The following DLC1 variants were observed in gnomAD, a reference collection of about 807,000 sequenced individuals.
The protein encoded by DLC1 is DLC1 Rho GTPase activating protein, also known as rho GTPase-activating protein 7.
DLC1 carries 54 observed loss-of-function variants against 140.3 expected under a neutral mutation model. That is an observed-to-expected ratio of 0.38 (90% CI 0.31 to 0.48). The LOEUF (loss-of-function observed/expected upper bound fraction) is 0.48, where lower values mean the gene tolerates loss of function less well. Among genes scored for constraint, DLC1 ranks in the 20% least tolerant of loss-of-function variants. The pLI is 0.96. For missense variants in DLC1, 2,536 were observed against 1,907.0 expected, an observed-to-expected ratio of 1.33 and a Z score of -6.14; for synonymous variants, 986 against 728.1, an observed-to-expected ratio of 1.35 and a Z score of -5.70.
intron 2 of DLC1, among the ~76,000 whole-genome samples, chr8:13,448,222 CA>C (rs1272344822): frequency 6.6e-6 from 1 of 152,094 alleles, no homozygotes; most frequent in Non-Finnish European, 1.5e-5. Flanking sequence ...TATCTGCTTA[CA>C]CTCACATGGA....
At chr8:13,550,227 G>A (rs953922415) in intron 1 of DLC1, among the ~76,000 whole-genome samples, 3 of 152,022 alleles carry the variant, frequency 2.0e-5, no homozygotes, top group Admixed American at 6.6e-5. Context: ...AGGGAGTCTC[G>A]AAAGATCTGA....
At chr8:13,188,978 C>G (rs888565211) in intron 5 of DLC1, among the ~76,000 whole-genome samples, 1 of 150,000 alleles carries the variant, frequency 6.7e-6, no homozygotes, top group Non-Finnish European at 1.5e-5. Context: ...CATGAGCTAT[C>G]ACACCCGGCC....
intron 2 of DLC1, among the ~76,000 whole-genome samples, chr8:13,434,157 G>A (rs993494980): frequency 3.9e-5 from 6 of 152,122 alleles, no homozygotes; most frequent in African/African-American, 7.2e-5. Context: ...GATTACAGGC[G>A]TGAGCCACTG....
chr8:13,139,221 C>T (rs1241806727), intron 5 of DLC1, among the ~76,000 whole-genome samples: 2 of 128,646 alleles, frequency 1.6e-5, no homozygotes, highest in African/African-American at 3.0e-5. Context: ...GCCGGGTAGT[C>T]GAGGCTGGAT....
chr8:13,403,807 G>GTTTTTTTTTTTTTTT (rs369715973), intron 2 of DLC1, among the ~76,000 whole-genome samples: 17 of 87,246 alleles, frequency 1.9e-4, no homozygotes, highest in South Asian at 5.0e-4. Flanking sequence ...AGGTCTGGCT[G>GTTTTTTTTTTTTTTT]TTTTTTTTTT....
At chr8:13,146,955 C>G (rs939278211) in intron 5 of DLC1, among the ~76,000 whole-genome samples, 4 of 152,168 alleles carry the variant, frequency 2.6e-5, no homozygotes, top group Non-Finnish European at 4.4e-5. Flanking sequence ...TTTTAAATCT[C>G]TCTGGGATGA....
chr8:13,126,801 T>G (rs554527559), intron 5 of DLC1, among the ~76,000 whole-genome samples: 52 of 152,388 alleles, frequency 3.4e-4, no homozygotes, highest in African/African-American at 1.3e-3. Context: ...TTTTGCTTTA[T>G]AGTTCTGCGA....
At chr8:13,255,901 A>C (rs1441962440) in intron 5 of DLC1, among the ~76,000 whole-genome samples, 1 of 152,206 alleles carries the variant, frequency 6.6e-6, no homozygotes, top group African/African-American at 2.4e-5. Flanking sequence ...TGTTTAATGT[A>C]CCAGTCTTGA....
intron 1 of DLC1, chr8:13,583,886 A>C (rs1284166274): frequency 6.6e-6 from 1 of 152,210 alleles, no homozygotes; most frequent in Non-Finnish European, 1.5e-5. Flanking sequence ...TCCTGGCAAA[A>C]CTGGCTGGCT....
intron 2 of DLC1, among the ~76,000 whole-genome samples, chr8:13,481,881 C>A (rs978741844): frequency 5.3e-5 from 8 of 152,170 alleles, no homozygotes; most frequent in African/African-American, 1.9e-4. Context: ...GACATAGTCA[C>A]ACACACACAC....
chr8:13,437,895 T>G (rs1462939962), intron 2 of DLC1, among the ~76,000 whole-genome samples: 1 of 152,126 alleles, frequency 6.6e-6, no homozygotes, highest in African/African-American at 2.4e-5. Flanking sequence ...TGTGGCTGCT[T>G]CAGACTAATG....
intron 4 of DLC1, among the ~76,000 whole-genome samples, chr8:13,308,687 A>G (rs1832553647): frequency 1.3e-5 from 2 of 152,328 alleles, no homozygotes; most frequent in African/African-American, 2.4e-5. Context: ...AGAAGTTCCA[A>G]AAAAGGCAAA....
intron 5 of DLC1, among the ~76,000 whole-genome samples, chr8:13,181,776 G>A (rs1305970471): frequency 6.6e-6 from 1 of 152,098 alleles, no homozygotes; most frequent in Non-Finnish European, 1.5e-5. Context: ...TTGCTATTGT[G>A]AATAGTGCTG....
chr8:13,154,799 T>C (rs1367778536), intron 5 of DLC1, among the ~76,000 whole-genome samples: 2 of 152,176 alleles, frequency 1.3e-5, no homozygotes, highest in South Asian at 2.1e-4. Context: ...ATAGATTATA[T>C]AGATGATCAA....
chr8:13,371,792 C>G (rs907353719), intron 4 of DLC1, among the ~76,000 whole-genome samples: 1 of 152,152 alleles, frequency 6.6e-6, no homozygotes, highest in South Asian at 2.1e-4. Context: ...TAACTGTGAG[C>G]TCCTTGAGGA....
chr8:13,432,067 T>A (rs1229159961), intron 2 of DLC1, among the ~76,000 whole-genome samples: 1 of 152,220 alleles, frequency 6.6e-6, no homozygotes, highest in African/African-American at 2.4e-5. Flanking sequence ...TATCTATTTA[T>A]TGGAAAGTAT....
chr8:13,175,261 C>G (rs1179972221), intron 5 of DLC1, among the ~76,000 whole-genome samples: 1 of 146,864 alleles, frequency 6.8e-6, no homozygotes, highest in Non-Finnish European at 1.5e-5. Context: ...GCTACTGTAG[C>G]TTTATAATAT....
intron 5 of DLC1, among the ~76,000 whole-genome samples, chr8:13,226,119 G>C (rs187193680): frequency 4.7e-4 from 72 of 152,142 alleles, no homozygotes; most frequent in African/African-American, 1.3e-3. Context: ...TTGCTGTGTT[G>C]CCCAGGCTAG....
At chr8:13,380,215 G>C (rs979145580) in intron 4 of DLC1, among the ~76,000 whole-genome samples, 5 of 152,150 alleles carry the variant, frequency 3.3e-5, no homozygotes, top group Non-Finnish European at 7.4e-5. Context: ...TAAGAAACGA[G>C]TTAGAGTCTA....
Sources: gnomAD v4.1 joint callset for allele counts (sites outside exome capture counted in the v4.1 genomes callset) on GRCh38, gnomAD v4.1.1 for gene constraint, MANE v1.5 for transcripts, NCBI Gene and HGNC (gene_info 2026-07-23, HGNC 2026-07-21) for gene names.